ROBO2: variants seen among roughly 807,000 people sequenced by gnomAD.
The protein encoded by ROBO2 is roundabout guidance receptor 2, also known as roundabout homolog 2.
A neutral mutation model predicts 160.8 loss-of-function variants in ROBO2; 53 were observed. The observed-to-expected ratio is 0.33, with a 90% CI of 0.26 to 0.41. The LOEUF (loss-of-function observed/expected upper bound fraction) is 0.41, where lower values mean the gene tolerates loss of function less well. ROBO2 is among the 10% of genes least tolerant of loss of function. The pLI, the probability that ROBO2 is intolerant of heterozygous loss-of-function variation, is 1.00. For missense variants in ROBO2, 1,577 were observed against 1,722.4 expected, an observed-to-expected ratio of 0.92 and a Z score of 1.49; for synonymous variants, 664 against 611.7, an observed-to-expected ratio of 1.09 and a Z score of -1.26.
chr3:76,749,789 G>A (rs1261364375), intron 2 of ROBO2, among the ~76,000 whole-genome samples: 1 of 151,940 alleles, frequency 6.6e-6, no homozygotes, highest in Non-Finnish European at 1.5e-5. Flanking sequence ...TGTTGATAAG[G>A]GATAGGTAGG....
At chr3:76,653,896 T>C (rs901625853) in intron 2 of ROBO2, among the ~76,000 whole-genome samples, 1 of 152,158 alleles carries the variant, frequency 6.6e-6, no homozygotes, top group Non-Finnish European at 1.5e-5. Flanking sequence ...CAAAAGTGGA[T>C]ATCATCTGGA....
Position 76,120,887 on chromosome 3 carries a change from G to C in ROBO2, c.109+183285G>C, listed in dbSNP as rs183310199. 2.0e-5 allele frequency among the ~76,000 whole-genome samples: 3 copies of C among 152,216 alleles called. No homozygotes were observed. In the East Asian group the frequency reaches 5.8e-4, roughly 29 times the overall value. On this transcript the variant is annotated intron_variant, in intron 2 of 26. Coordinates refer to the ROBO2 transcript ENST00000487694. The stretch of plus-strand genomic sequence containing the variant: ...CTTCTACAAATACAGAACAATACTT[G>C]CCTGCAATATAAATACTTACTGTCG...
chr3:77,559,391 T>C (rs1201603874), intron 9 of ROBO2, among the ~76,000 whole-genome samples: 3 of 152,062 alleles, frequency 2.0e-5, no homozygotes, highest in Non-Finnish European at 4.4e-5. Flanking sequence ...CTACCTGCCA[T>C]GTAGCAAGTG....
chr3:77,365,378 T>G (rs2070710384), intron 2 of ROBO2, among the ~76,000 whole-genome samples: 1 of 152,122 alleles, frequency 6.6e-6, no homozygotes, highest in East Asian at 1.9e-4. Context: ...GGGGAGTTAC[T>G]GACAGCTATT....
chr3:76,742,838 C>A (rs2093825244), intron 2 of ROBO2, among the ~76,000 whole-genome samples: 1 of 124,254 alleles, frequency 8.0e-6, no homozygotes, highest in African/African-American at 3.0e-5. Flanking sequence ...ATACCAAAAT[C>A]CTCATTCATT....
chr3:76,143,262 C>T (rs1053735359), intron 2 of ROBO2, among the ~76,000 whole-genome samples: 1 of 151,992 alleles, frequency 6.6e-6, no homozygotes, highest in Non-Finnish European at 1.5e-5. Context: ...AAATCCCTGC[C>T]TCAAGGAGTC....
chr3:76,048,863 G>C (rs773563167), intron 2 of ROBO2, among the ~76,000 whole-genome samples: 1 of 152,044 alleles, frequency 6.6e-6, no homozygotes, highest in Non-Finnish European at 1.5e-5. Context: ...ATGAGGGAAC[G>C]GAATTGTAAA....
intron 5 of ROBO2, among the ~76,000 whole-genome samples, chr3:77,508,201 AG>A (rs2088853487): frequency 6.6e-6 from 1 of 151,310 alleles, no homozygotes. Context: ...TGAAAGTTCC[AG>A]CCACCTCTAT....
At chr3:76,837,205 G>A (rs1357532906) in intron 2 of ROBO2, among the ~76,000 whole-genome samples, 1 of 151,642 alleles carries the variant, frequency 6.6e-6, no homozygotes, top group Non-Finnish European at 1.5e-5. Context: ...TTAAGAAGGT[G>A]GACCATATTT....
intron 2 of ROBO2, among the ~76,000 whole-genome samples, chr3:75,951,376 T>C (rs1434309467): frequency 1.3e-5 from 2 of 152,050 alleles, no homozygotes; most frequent in Non-Finnish European, 2.9e-5. Flanking sequence ...TGTCTCTCCT[T>C]CATCTACTCG....
chr3:76,245,129 T>C (rs952898127), intron 2 of ROBO2, among the ~76,000 whole-genome samples: 1 of 152,236 alleles, frequency 6.6e-6, no homozygotes, highest in Non-Finnish European at 1.5e-5. Context: ...ACCAGAATAT[T>C]TTTAATACTT....
At chr3:76,687,073 A>C (rs2107111127) in intron 2 of ROBO2, among the ~76,000 whole-genome samples, 1 of 152,216 alleles carries the variant, frequency 6.6e-6, no homozygotes, top group Non-Finnish European at 1.5e-5. Flanking sequence ...TCATGCACGT[A>C]TTCATGTATA....
At chr3:77,077,464 C>G (rs186738678) in intron 1 of ROBO2, among the ~76,000 whole-genome samples, 1 of 151,660 alleles carries the variant, frequency 6.6e-6, no homozygotes, top group Admixed American at 6.5e-5. Context: ...AATGGATAAA[C>G]GACTTCTGAG....
At chr3:76,338,013 C>G (rs2073997174) in intron 2 of ROBO2, among the ~76,000 whole-genome samples, 1 of 152,018 alleles carries the variant, frequency 6.6e-6, no homozygotes, top group African/African-American at 2.4e-5. Flanking sequence ...TCTGGCTTTC[C>G]CTCCCACACT....
intron 2 of ROBO2, among the ~76,000 whole-genome samples, chr3:76,767,694 A>T (rs1177226333): frequency 3.3e-5 from 5 of 151,468 alleles, no homozygotes; most frequent in African/African-American, 9.7e-5. Flanking sequence ...TTTTTATTAA[A>T]CTTTTTTGCT....
intron 2 of ROBO2, among the ~76,000 whole-genome samples, chr3:76,282,978 A>G (rs1708307189): frequency 1.3e-5 from 2 of 148,238 alleles, no homozygotes; most frequent in African/African-American, 4.9e-5. Flanking sequence ...TCTTTATTTT[A>G]TTTTATTTTT....
At chr3:77,119,751 A>G (rs1015304447) in intron 2 of ROBO2, among the ~76,000 whole-genome samples, 1 of 152,222 alleles carries the variant, frequency 6.6e-6, no homozygotes, top group African/African-American at 2.4e-5. Context: ...CAGACCAAGA[A>G]AGAAAGAAAA....
chr3:77,618,938 G>A (rs560593753), intron 22 of ROBO2, among the ~76,000 whole-genome samples: 4 of 152,254 alleles, frequency 2.6e-5, no homozygotes, highest in East Asian at 1.9e-4. Flanking sequence ...CTTCCTTCAC[G>A]TTAACTAATG....
chr3:76,207,155 C>T (rs984632027), intron 2 of ROBO2, among the ~76,000 whole-genome samples: 4 of 152,054 alleles, frequency 2.6e-5, no homozygotes, highest in African/African-American at 9.7e-5. Flanking sequence ...ATATACTGAG[C>T]CTTACTTATA....
Sources: allele counts gnomAD v4.1 joint callset (sites outside exome capture counted in the v4.1 genomes callset), GRCh38; gene constraint gnomAD v4.1.1; transcripts MANE v1.5; gene names NCBI Gene and HGNC (gene_info 2026-07-23, HGNC 2026-07-21).